MINDY4: variants seen among roughly 807,000 people sequenced by gnomAD.
MINDY4 encodes MINDY lysine 48 deubiquitinase 4.
MINDY4 carries 68 observed loss-of-function variants against 87.0 expected under a neutral mutation model. The ratio of observed to expected loss-of-function variants is 0.78; its 90% CI spans 0.64 to 0.96. The LOEUF (loss-of-function observed/expected upper bound fraction) is 0.96. MINDY4 is among the 40% of genes least tolerant of loss of function. The pLI, the probability that MINDY4 is intolerant of heterozygous loss-of-function variation, is 0.00. For synonymous variants in MINDY4, 379 were observed against 363.2 expected (o/e 1.04, Z -0.50); for missense variants, 919 against 928.2 (o/e 0.99, Z 0.13).
intron 5 of MINDY4, among the ~76,000 whole-genome samples, chr7:30,795,002 C>T: frequency 6.6e-6 from 1 of 152,170 alleles, no homozygotes; most frequent in East Asian, 1.9e-4. Flanking sequence ...TTACTTACAA[C>T]CCCCCAGGGC....
At chr7:30,792,679 T>A (rs976170963) in intron 5 of MINDY4, among the ~76,000 whole-genome samples, 2 of 152,192 alleles carry the variant, frequency 1.3e-5, no homozygotes, top group African/African-American at 4.8e-5. Context: ...TATTATCACT[T>A]TGAAGTTTGT....
At chr7:30,778,589 C>A in intron 2 of MINDY4, 38 bp downstream of exon 2, 1 of 1,612,770 alleles carries the variant, frequency 6.2e-7, no homozygotes, top group Admixed American at 1.7e-5. Context: ...AGTCTTGGAA[C>A]TGAGTTTGGC....
intron 5 of MINDY4, among the ~76,000 whole-genome samples, chr7:30,815,831 A>C (rs746361944): frequency 7.9e-5 from 12 of 152,158 alleles, no homozygotes; most frequent in Non-Finnish European, 1.0e-4. Flanking sequence ...GGAGGTGTGA[A>C]CTGGGAGGGC....
At chr7:30,850,607 G>T in intron 10 of MINDY4, 52 bp downstream of exon 10, 1 of 1,508,044 alleles carries the variant, frequency 6.6e-7, no homozygotes, top group Non-Finnish European at 9.0e-7. Flanking sequence ...GCTGGCAGCT[G>T]CCGGCAAGCT....
chr7:30,853,506 C>T, intron 12 of MINDY4, 47 bp downstream of exon 12: 8 of 1,452,186 alleles, frequency 5.5e-6, no homozygotes, highest in Non-Finnish European at 7.7e-6. Flanking sequence ...ACTAAGCCTT[C>T]TGATTTCACT....
At chr7:30,879,650 G>A (rs1790398894) in intron 15 of MINDY4, among the ~76,000 whole-genome samples, 1 of 152,154 alleles carries the variant, frequency 6.6e-6, no homozygotes, top group South Asian at 2.1e-4. Context: ...GCTTTTCCCT[G>A]TTATCGTTTT....
chr7:30,871,486 G>A (rs1463593811), intron 13 of MINDY4, among the ~76,000 whole-genome samples: 2 of 152,208 alleles, frequency 1.3e-5, no homozygotes, highest in Non-Finnish European at 2.9e-5. Context: ...AGGGTTTTCT[G>A]CCTCACGTGT....
At chr7:30,853,557 C>T (rs1313720259) in intron 12 of MINDY4, 98 bp downstream of exon 12, 1 of 1,107,162 alleles carries the variant, frequency 9.0e-7, no homozygotes, top group African/African-American at 1.5e-5. Flanking sequence ...CTCCTGTCGT[C>T]CCACCCTGGG....
At chr7:30,872,638 G>T (rs561007168) in intron 14 of MINDY4, among the ~76,000 whole-genome samples, 1 of 152,244 alleles carries the variant, frequency 6.6e-6, no homozygotes, top group Non-Finnish European at 1.5e-5. Context: ...GATGTCTCAG[G>T]CATGGGCCAG....
At chr7:30,849,313 A>G (rs1789323708) in intron 9 of MINDY4, among the ~76,000 whole-genome samples, 3 of 152,332 alleles carry the variant, frequency 2.0e-5, no homozygotes, top group South Asian at 4.1e-4. Flanking sequence ...GAGCCCTAGC[A>G]GAGTCTTCAT....
In MINDY4 at chr7:30,839,868, T is replaced by TTAA. The variant is rs548384567; in HGVS notation, c.1356+554_1356+555insATA. Among the ~76,000 whole-genome samples the TTAA allele has an allele frequency of 3.0e-4, 45 of 152,212 alleles. 1 individual carries two copies. The highest frequency in any genetic ancestry group is 5.2e-4 in the Admixed American group (8 of 15,292). The stretch of plus-strand genomic sequence containing the variant: ...AATGGTTGCAGGCCTAGAACATGGC[T>TTAA]TATACCCAGTTCCCACATTATACTC... On this transcript the variant is annotated intron_variant, in intron 8 of 17. Coordinates refer to ENST00000265299, the MANE Select transcript of MINDY4 (RefSeq NM_032222.3).
intron 12 of MINDY4, 194 bp from the exon 13 acceptor site, chr7:30,859,063 A>AT: frequency 1.4e-6 from 1 of 716,220 alleles, no homozygotes; most frequent in Non-Finnish European, 2.6e-6. Context: ...CTCTGCTGTC[A>AT]TTGTCATTCA....
chr7:30,870,815 G>T (rs1390966885), intron 13 of MINDY4, among the ~76,000 whole-genome samples: 6 of 152,202 alleles, frequency 3.9e-5, no homozygotes, highest in Non-Finnish European at 8.8e-5. Flanking sequence ...CTACCCCTGG[G>T]TCTCCTCTCT....
intron 11 of MINDY4, among the ~76,000 whole-genome samples, chr7:30,852,671 G>A (rs1789449510): frequency 6.6e-6 from 1 of 152,154 alleles, no homozygotes; most frequent in South Asian, 2.1e-4. Context: ...AATGTGGGGA[G>A]GAACTTTAAT....
At chr7:30,887,122 C>T (rs1444279491) in intron 17 of MINDY4, among the ~76,000 whole-genome samples, 2 of 152,172 alleles carry the variant, frequency 1.3e-5, no homozygotes, top group African/African-American at 2.4e-5. Flanking sequence ...GCAGAGCCCC[C>T]GCCTCCCTCA....
intron 2 of MINDY4, chr7:30,780,425 T>C (rs1196193360): frequency 6.6e-6 from 1 of 152,200 alleles, no homozygotes; most frequent in East Asian, 1.9e-4. Flanking sequence ...CATTGTAATA[T>C]AGTCTCCCTA....
chr7:30,832,167 C>T (rs1351839173), intron 6 of MINDY4, among the ~76,000 whole-genome samples: 1 of 152,228 alleles, frequency 6.6e-6, no homozygotes, highest in Non-Finnish European at 1.5e-5. Flanking sequence ...TTTTCCTGGG[C>T]CCCCAGCCTT....
At chr7:30,776,721 T>C (rs1320064720) in intron 1 of MINDY4, among the ~76,000 whole-genome samples, 3 of 152,236 alleles carry the variant, frequency 2.0e-5, no homozygotes, top group African/African-American at 7.2e-5. Flanking sequence ...TTCATCCTTG[T>C]CTTCCCTCTC....
chr7:30,829,180 T>G (rs1157401215), intron 6 of MINDY4, among the ~76,000 whole-genome samples: 2 of 152,234 alleles, frequency 1.3e-5, no homozygotes, highest in African/African-American at 2.4e-5. Flanking sequence ...GTGTACAACC[T>G]TAAGTGCCCT....
Sources: allele counts gnomAD v4.1 joint callset (sites outside exome capture counted in the v4.1 genomes callset), GRCh38; gene constraint gnomAD v4.1.1; transcripts MANE v1.5; gene names NCBI Gene and HGNC (gene_info 2026-07-23, HGNC 2026-07-21).